TTLL5: variants seen among roughly 807,000 people sequenced by gnomAD.
TTLL5 encodes the protein tubulin tyrosine ligase like 5, also known as tubulin polyglutamylase TTLL5.
Under a neutral mutation model 168.4 loss-of-function variants are expected in TTLL5, and 132 were observed. The observed-to-expected ratio is 0.78, with a 90% CI of 0.68 to 0.91. The LOEUF is 0.91. TTLL5 is among the 40% of genes least tolerant of loss of function. TTLL5 has a pLI of 0.00. For synonymous variants in TTLL5, 546 were observed against 558.6 expected, an observed-to-expected ratio of 0.98 and a Z score of 0.32; for missense variants, 1,545 against 1,581.5, an observed-to-expected ratio of 0.98 and a Z score of 0.39.
chr14:75,954,563 C>T lies in TTLL5; in HGVS notation c.*117C>T. 1 of 1,166,432 alleles carries T rather than the reference C, an allele frequency of 8.6e-7. No individual in the cohort carries two copies. The highest frequency in any genetic ancestry group is 2.4e-5 in the East Asian group (1 of 42,512). The allele number at this position is 1,166,432 out of a possible 1,614,324, so 72.3% of individuals were successfully genotyped here. A position where few individuals can be genotyped will look rare whatever the true frequency, so the allele number is the denominator to read the frequency against. ...ATTTTTTTTTTTGCTGCCTCAAAGTCCCCAAAGCCTTCGAGCAGAAGTGGC... is the reference window on the plus strand; with the variant it reads ...ATTTTTTTTTTTGCTGCCTCAAAGTTCCCAAAGCCTTCGAGCAGAAGTGGC... On this transcript the variant is annotated 3_prime_UTR_variant, in exon 32 of 32. Transcript: ENST00000298832.
intron 17 of TTLL5, 82 bp downstream of exon 17, chr14:75,745,663 C>T (rs141600676): frequency 1.3e-5 from 14 of 1,060,066 alleles, no homozygotes; most frequent in Non-Finnish European, 1.8e-5. Flanking sequence ...CATCACTGCT[C>T]CCCCCGATGA....
At chr14:75,733,290 G>C (rs1047100050) in intron 13 of TTLL5, among the ~76,000 whole-genome samples, 14 of 152,116 alleles carry the variant, frequency 9.2e-5, no homozygotes, top group African/African-American at 3.4e-4. Flanking sequence ...CCAGAACGAG[G>C]CACTGAGTAT....
At chr14:75,821,234 G>A (rs559624718) in intron 28 of TTLL5, among the ~76,000 whole-genome samples, 6 of 152,154 alleles carry the variant, frequency 3.9e-5, no homozygotes, top group Non-Finnish European at 8.8e-5. Context: ...CTTTCATACC[G>A]GTGATCATTG....
At chr14:75,855,478 A>G (rs10143790) in intron 28 of TTLL5, among the ~76,000 whole-genome samples, 101,522 of 152,068 alleles carry the variant, frequency 0.67, 35,507 homozygotes, top group Admixed American at 0.77. Context: ...ACTTAAGGGC[A>G]AGTCATAGTT....
chr14:75,925,814 C>G (rs1049391325), intron 31 of TTLL5, among the ~76,000 whole-genome samples: 5 of 151,974 alleles, frequency 3.3e-5, no homozygotes, highest in African/African-American at 1.2e-4. Context: ...CTCGGGAGGC[C>G]GAGGCTGGCG....
chr14:75,755,248 A>G (rs1890175512), intron 18 of TTLL5, among the ~76,000 whole-genome samples: 1 of 148,898 alleles, frequency 6.7e-6, no homozygotes, highest in South Asian at 2.1e-4. Context: ...CTGGGCAACC[A>G]GAGCAAAACT....
chr14:75,900,621 A>G (rs1188472049), intron 30 of TTLL5, among the ~76,000 whole-genome samples: 1 of 152,108 alleles, frequency 6.6e-6, no homozygotes, highest in Non-Finnish European at 1.5e-5. Flanking sequence ...CCCCACCCCT[A>G]TCCTATCTCC....
chr14:75,843,193 C>T (rs1030483366), intron 28 of TTLL5, among the ~76,000 whole-genome samples: 2 of 152,136 alleles, frequency 1.3e-5, no homozygotes, highest in African/African-American at 4.8e-5. Flanking sequence ...ACTTGAAAAC[C>T]CTCTAGTCTG....
rs138022615 is a variant in TTLL5 at position 75,921,658 on chromosome 14, C to T, written c.3823+19434C>T. Among the ~76,000 whole-genome samples, 54 of 152,092 alleles carry T rather than the reference C, an allele frequency of 3.6e-4. 2 individuals are homozygous for T. The East Asian group carries it at 8.5e-3, about 24-fold the overall frequency. ...TAGTATAGTTTGAAGTCAGGTAGTGCGATGCCTCCTAAGCTTTGCTCTTTT... is the reference window on the plus strand; with the variant it reads ...TAGTATAGTTTGAAGTCAGGTAGTGTGATGCCTCCTAAGCTTTGCTCTTTT... On this transcript the variant is annotated intron_variant, in intron 31 of 31. Transcript: ENST00000298832.
At position 75,704,930 on chromosome 14, in the gene TTLL5, T is replaced by G. The variant is rs1390081964; in HGVS notation, c.586-2088T>G. The stretch of plus-strand genomic sequence containing the variant: ...ATGGGCATGGGCGTTAGATGTGTCA[T>G]GGAATGATGACCACTATCAGCATAT... On this transcript the variant is annotated intron_variant, in intron 7 of 31. Coordinates refer to ENST00000298832, the MANE Select transcript of TTLL5 (RefSeq NM_015072.5). Among the ~76,000 whole-genome samples, 5 of 152,230 alleles carry G rather than the reference T, an allele frequency of 3.3e-5. No homozygotes were observed. In the South Asian group the frequency reaches 6.2e-4, roughly 19 times the overall value.
chr14:75,832,886 T>A (rs1228058264), intron 28 of TTLL5, among the ~76,000 whole-genome samples: 2 of 152,158 alleles, frequency 1.3e-5, no homozygotes, highest in Non-Finnish European at 2.9e-5. Flanking sequence ...GGTGGTTGTT[T>A]TCTTAAGTCT....
At chr14:75,940,709 A>G (rs956764306) in intron 31 of TTLL5, among the ~76,000 whole-genome samples, 1 of 152,216 alleles carries the variant, frequency 6.6e-6, no homozygotes, top group Admixed American at 6.5e-5. Flanking sequence ...AAAAAGAAAC[A>G]CTTTTCACTG....
chr14:75,753,832 A>G (rs1447650578), intron 18 of TTLL5, among the ~76,000 whole-genome samples: 2 of 152,094 alleles, frequency 1.3e-5, no homozygotes, highest in Non-Finnish European at 2.9e-5. Context: ...AAACTTTTAC[A>G]AGGTTTCTTT....
chr14:75,840,275 C>T (rs142732664), intron 28 of TTLL5, among the ~76,000 whole-genome samples: 8 of 152,214 alleles, frequency 5.3e-5, no homozygotes, highest in South Asian at 2.1e-4. Context: ...ATATGCAGAA[C>T]GTGCAGGTTT....
intron 29 of TTLL5, among the ~76,000 whole-genome samples, chr14:75,875,493 G>T (rs2031413769): frequency 6.6e-6 from 1 of 150,844 alleles, no homozygotes; most frequent in South Asian, 2.1e-4. Context: ...AGTGAGCCGA[G>T]ATCGTGCCAC....
chr14:75,781,121 C>G (rs1007562440), intron 24 of TTLL5, among the ~76,000 whole-genome samples: 1 of 151,956 alleles, frequency 6.6e-6, no homozygotes, highest in Non-Finnish European at 1.5e-5. Context: ...AGGTAGGGGC[C>G]TAGATGGACA....
intron 31 of TTLL5, among the ~76,000 whole-genome samples, chr14:75,916,826 A>T (rs372825666): frequency 6.6e-6 from 1 of 152,234 alleles, no homozygotes; most frequent in Non-Finnish European, 1.5e-5. Context: ...AATGTGGTCT[A>T]TGTATTCAGT....
chr14:75,892,427 C>T (rs574141076), intron 30 of TTLL5, among the ~76,000 whole-genome samples: 1 of 152,264 alleles, frequency 6.6e-6, no homozygotes, highest in African/African-American at 2.4e-5. Context: ...TGAAAGTGCC[C>T]TACAAGAGGA....
intron 21 of TTLL5, among the ~76,000 whole-genome samples, chr14:75,772,536 A>G (rs1891402364): frequency 6.6e-6 from 1 of 152,182 alleles, no homozygotes; most frequent in Admixed American, 6.5e-5. Flanking sequence ...TTTTTACTGT[A>G]TATCAGTCAT....
Sources: allele counts gnomAD v4.1 joint callset (sites outside exome capture counted in the v4.1 genomes callset), GRCh38; gene constraint gnomAD v4.1.1; transcripts MANE v1.5; gene names NCBI Gene and HGNC (gene_info 2026-07-23, HGNC 2026-07-21).